The following PCDHGA9 variants were observed in gnomAD, a reference collection of about 807,000 sequenced individuals.
PCDHGA9 encodes the protein protocadherin gamma subfamily A, 9, also known as protocadherin gamma-A9.
Under a neutral mutation model 62.5 loss-of-function variants are expected in PCDHGA9, and 37 were observed. That is an observed-to-expected ratio of 0.59 (90% confidence interval 0.46 to 0.78). The LOEUF (loss-of-function observed/expected upper bound fraction) is 0.78, where lower values mean the gene tolerates loss of function less well. PCDHGA9 is among the 30% of genes least tolerant of loss of function. The pLI is 0.00. For missense variants in PCDHGA9, 1,138 were observed against 1,166.2 expected, an observed-to-expected ratio of 0.98 and a Z score of 0.35; for synonymous variants, 459 against 484.6, an observed-to-expected ratio of 0.95 and a Z score of 0.69.
intron 1 of PCDHGA9, chr5:141,421,919 TG>T: frequency 6.2e-7 from 1 of 1,613,642 alleles, no homozygotes; most frequent in Non-Finnish European, 8.5e-7. Flanking sequence ...CCCATTCGTG[TG>T]GTGGTCCTCG....
intron 1 of PCDHGA9, among the ~76,000 whole-genome samples, chr5:141,451,001 A>AT (rs1164946963): frequency 2.0e-5 from 3 of 148,376 alleles, no homozygotes; most frequent in South Asian, 2.1e-4. Context: ...ATTTTTTTGT[A>AT]TTTTTTTTAG....
rs1467125550 is a variant in PCDHGA9 at position 141,511,799 on chromosome 5, T to G, written c.*626T>G. 6.4e-6 allele frequency: 1 copy of G among 157,228 alleles called. No homozygotes were observed. The highest frequency in any genetic ancestry group is 1.4e-5 in the Non-Finnish European group (1 of 70,874). 9.7% of individuals were successfully genotyped at this position (157,228 alleles called of 1,614,324 possible). ...TGCTTGCTGGATTTAGGGAGGGCAT[T>G]TTGCTACCAAGCCTCTTCCCAACGC... On this transcript the variant is annotated 3_prime_UTR_variant, in exon 4 of 4. Coordinates refer to ENST00000573521, the MANE Select transcript of PCDHGA9 (RefSeq NM_018921.3).
chr5:141,440,393 G>A (rs1444541990), intron 1 of PCDHGA9: 1 of 152,180 alleles, frequency 6.6e-6, no homozygotes, highest in Admixed American at 6.5e-5. Flanking sequence ...TTGAACCCGA[G>A]AGGCAATCGC....
At chr5:141,423,783 A>G in intron 1 of PCDHGA9, 1 of 1,264,712 alleles carries the variant, frequency 7.9e-7, no homozygotes, top group South Asian at 1.9e-5. Context: ...TATTTAGTTC[A>G]TATATATTTA....
chr5:141,437,782 A>C (rs1410096491), intron 1 of PCDHGA9, among the ~76,000 whole-genome samples: 1 of 151,512 alleles, frequency 6.6e-6, no homozygotes, highest in African/African-American at 2.4e-5. Context: ...TCTGTCGCCA[A>C]GCTGGAGTGC....
rs772532099 is a variant in PCDHGA9, at chr5:141,404,726, G to A, written c.1774G>A (p.Val592Met). 6.2e-7 allele frequency: 1 copy of A among 1,614,094 alleles called. No homozygotes were observed. Among genetic ancestry groups the A allele is most frequent in the Admixed American group, 1.7e-5 (1 of 60,020 alleles). The change falls in exon 1 of 4, where the codon GTG becomes ATG. Residue 592 changes from valine to methionine, a missense_variant. By Grantham distance (21) the Val-to-Met change is conservative (BLOSUM62 1). Transcript: ENST00000573521. ...AEPGYLVTKV[V>M]AVDRDSGQNA... ...GCCTGGCTACCTGGTGACCAAGGTG[G>A]TGGCAGTGGACAGAGACTCAGGCCA...
In PCDHGA9 at chr5:141,491,737, G is replaced by A; in HGVS notation, c.2425-3070G>A. The A allele has an allele frequency of 6.2e-7, 1 of 1,600,586 alleles. No homozygotes were observed. Among genetic ancestry groups the A allele is most frequent in the Non-Finnish European group, 8.5e-7 (1 of 1,174,266 alleles). On this transcript the variant is annotated intron_variant, in intron 1 of 3. Coordinates refer to ENST00000573521, the MANE Select transcript of PCDHGA9 (RefSeq NM_018921.3). This position sits in a 1 kb window ranked among gnomAD's most constrained non-coding sequence, Gnocchi z 6.9. ...GGCGCCGCCCCGGGCGACCCCTGGG[G>A]GCGGCACTGGAGAAGCCGCCCGTCC...
At chr5:141,510,677 A>G (rs2099882239) in intron 3 of PCDHGA9, among the ~76,000 whole-genome samples, 2 of 152,212 alleles carry the variant, frequency 1.3e-5, no homozygotes, top group African/African-American at 4.8e-5. Context: ...CTGAAGTGGC[A>G]TAAGGAGGTT....
chr5:141,405,231 C>A lies in PCDHGA9; in HGVS notation c.2279C>A (p.Thr760Asn). Reference sequence around the variant, plus strand: ...ACCTATTCTCAGGAGTTCTCCCTCACCGCTGACTCAAGGAAGAGTCACCTG... The same window carrying A: ...ACCTATTCTCAGGAGTTCTCCCTCAACGCTGACTCAAGGAAGAGTCACCTG... ...LQTYSQEFSL[T>N]ADSRKSHLIF... Residue 760 changes from threonine to asparagine, a missense_variant, in exon 1 of 4, where the codon ACC becomes AAC. Physicochemically the swap from Thr to Asn is moderately conservative, Grantham distance 65. Transcript: ENST00000573521. 1 of 1,614,130 alleles carries A rather than the reference C, an allele frequency of 6.2e-7. No homozygotes were observed. Among genetic ancestry groups the A allele is most frequent in the Non-Finnish European group, 8.5e-7 (1 of 1,180,028 alleles).
At position 141,405,355 on chromosome 5, in the gene PCDHGA9, A is replaced by G; in HGVS notation, c.2403A>G (p.Ile801Met). The part of the protein sequence containing the change: ...LCVSVDSKFP[I>M]EDTPLVPQAP... ...TCTCTGTTGATTCCAAGTTTCCTAT[A>G]GAAGACACCCCTTTGGTTCCGGTGA... The change falls in exon 1 of 4, where the codon ATA becomes ATG. Residue 801 changes from isoleucine (I) to methionine (M), a missense_variant. Transcript: ENST00000573521. 2 of 1,613,990 alleles carry G rather than the reference A, an allele frequency of 1.2e-6. No homozygotes were observed. The highest frequency in any genetic ancestry group is 1.1e-5 in the South Asian group (1 of 91,056).
At position 141,432,319 on chromosome 5, in the gene PCDHGA9, C is replaced by A; in HGVS notation, c.2424+26943C>A. The A allele has an allele frequency of 6.2e-7, 1 of 1,614,264 alleles. No individual in the cohort carries two copies. Among genetic ancestry groups the A allele is most frequent in the South Asian group, 1.1e-5 (1 of 91,088 alleles). ...GGGTACTGTATGCGCTGAGCTCCTTCGACTACGAGCAGTTCCGAGACTTGC... is the reference window on the plus strand; with the variant it reads ...GGGTACTGTATGCGCTGAGCTCCTTAGACTACGAGCAGTTCCGAGACTTGC... On this transcript the variant is annotated intron_variant, in intron 1 of 3. Transcript: ENST00000573521. The surrounding 1 kb of genome is among the most constrained non-coding windows in gnomAD (Gnocchi z 6.0).
intron 1 of PCDHGA9, chr5:141,409,468 C>A: frequency 2.5e-6 from 4 of 1,613,948 alleles, no homozygotes; most frequent in Non-Finnish European, 3.4e-6. Context: ...ATGTCACCAT[C>A]GTAGCCACTG....
Position 141,491,034 on chromosome 5 carries a change from T to C in PCDHGA9, c.2425-3773T>C, listed in dbSNP as rs375902824. On this transcript the variant is annotated intron_variant, in intron 1 of 3. Coordinates refer to ENST00000573521, the MANE Select transcript of PCDHGA9 (RefSeq NM_018921.3). The surrounding 1 kb of genome is among the most constrained non-coding windows in gnomAD (Gnocchi z 6.9). The stretch of plus-strand genomic sequence containing the variant: ...CCAAGGTGACAGCCGTGGATGCTGA[T>C]GCAGGCCACAATGCGTGGCTCTCCT... 19 of 1,614,170 alleles carry C rather than the reference T, an allele frequency of 1.2e-5. No homozygotes were observed. Among genetic ancestry groups the C allele is most frequent in the East Asian group, 4.5e-5 (2 of 44,894 alleles).
intron 1 of PCDHGA9, chr5:141,484,911 T>G (rs2154580253): frequency 9.3e-6 from 4 of 432,018 alleles, no homozygotes; most frequent in South Asian, 3.3e-5. Context: ...CTGCGACGCA[T>G]TAACCCTGCT....
At chr5:141,459,814 T>C (rs757306281) in intron 1 of PCDHGA9, among the ~76,000 whole-genome samples, 1 of 152,256 alleles carries the variant, frequency 6.6e-6, no homozygotes, top group African/African-American at 2.4e-5. Flanking sequence ...CTAGAGACAC[T>C]GAGCAACTTT....
At chr5:141,497,079 C>T (rs564690352) in intron 2 of PCDHGA9, among the ~76,000 whole-genome samples, 2 of 151,982 alleles carry the variant, frequency 1.3e-5, no homozygotes, top group African/African-American at 4.8e-5. Flanking sequence ...ATCCCAGCGA[C>T]TTAGGAGGCT....
chr5:141,419,659 C>T (rs930108720), intron 1 of PCDHGA9: 2 of 1,612,608 alleles, frequency 1.2e-6, no homozygotes, highest in East Asian at 4.5e-5. Flanking sequence ...ACTCGGGGCA[C>T]AATGCCTGGC....
intron 1 of PCDHGA9, chr5:141,415,888 T>C: frequency 1.1e-6 from 1 of 940,220 alleles, no homozygotes; most frequent in South Asian, 2.9e-5. Flanking sequence ...ATATTGACAA[T>C]TCCTAAGACA....
chr5:141,476,234 G>A lies in PCDHGA9; in HGVS notation c.2425-18573G>A. 6.2e-7 allele frequency: 1 copy of A among 1,614,070 alleles called. No individual in the cohort carries two copies. The highest frequency in any genetic ancestry group is 8.5e-7 in the Non-Finnish European group (1 of 1,180,014). On this transcript the variant is annotated intron_variant, in intron 1 of 3. Coordinates refer to ENST00000573521, the MANE Select transcript of PCDHGA9 (RefSeq NM_018921.3). The surrounding 1 kb of genome is among the most constrained non-coding windows in gnomAD (Gnocchi z 7.6). Reference sequence around the variant, plus strand: ...GGTCATTCACTATGAGATCCCGGAGGAAAGAGAGAAGGGTTTCGCTGTGGG... The same window carrying A: ...GGTCATTCACTATGAGATCCCGGAGAAAAGAGAGAAGGGTTTCGCTGTGGG...
Sources: gnomAD v4.1 joint callset for allele counts (sites outside exome capture counted in the v4.1 genomes callset) on GRCh38, gnomAD v4.1.1 for gene constraint, Gnocchi (gnomAD v3.1) non-coding constraint, MANE v1.5 for transcripts, NCBI Gene and HGNC (gene_info 2026-07-23, HGNC 2026-07-21) for gene names.